PPP1R16B: variants seen among roughly 807,000 people sequenced by gnomAD.
PPP1R16B encodes protein phosphatase 1 regulatory inhibitor subunit 16B.
In PPP1R16B, 14 loss-of-function variants were observed where a neutral mutation model predicts 61.7. The ratio of observed to expected loss-of-function variants is 0.23; its 90% CI spans 0.15 to 0.35. The LOEUF is 0.35. Among genes scored for constraint, PPP1R16B ranks in the 10% least tolerant of loss-of-function variants. PPP1R16B has a pLI of 1.00. For synonymous variants in PPP1R16B, 266 were observed against 305.3 expected, an observed-to-expected ratio of 0.87 and a Z score of 1.34; for missense variants, 547 against 752.5, an observed-to-expected ratio of 0.73 and a Z score of 3.19.
intron 2 of PPP1R16B, among the ~76,000 whole-genome samples, chr20:38,866,940 C>G (rs952105879): frequency 1.3e-5 from 2 of 152,168 alleles, no homozygotes; most frequent in African/African-American, 4.8e-5. Context: ...TCCCCCTAGC[C>G]CCTGGCAGCC....
chr20:38,857,566 G>C (rs531925476), intron 2 of PPP1R16B, among the ~76,000 whole-genome samples: 1 of 152,278 alleles, frequency 6.6e-6, no homozygotes, highest in Admixed American at 6.5e-5. Context: ...TAATGGAAGG[G>C]GGTTGGATTT....
intron 2 of PPP1R16B, among the ~76,000 whole-genome samples, chr20:38,856,602 A>G (rs541620874): frequency 2.0e-5 from 3 of 152,196 alleles, no homozygotes; most frequent in South Asian, 2.1e-4. Context: ...TGAGCCCCCA[A>G]TTTCCCCATC....
At chr20:38,865,118 G>A (rs208813) in intron 2 of PPP1R16B, among the ~76,000 whole-genome samples, 121,330 of 151,876 alleles carry the variant, frequency 0.8, 48,927 homozygotes, top group African/African-American at 0.9. Context: ...CCCACGTCCA[G>A]GCCCAAGTGT....
intron 2 of PPP1R16B, among the ~76,000 whole-genome samples, chr20:38,857,195 T>C (rs2085014323): frequency 6.6e-6 from 1 of 152,194 alleles, no homozygotes; most frequent in Non-Finnish European, 1.5e-5. Flanking sequence ...ATTATCTATA[T>C]AGAATGAGAC....
At chr20:38,894,606 T>C (rs1015107177) in intron 3 of PPP1R16B, among the ~76,000 whole-genome samples, 2 of 152,202 alleles carry the variant, frequency 1.3e-5, no homozygotes, top group Non-Finnish European at 2.9e-5. Context: ...CAAGCCCTTA[T>C]CTGGGTGGGC....
Position 38,806,672 on chromosome 20 carries a change from G to T in PPP1R16B, c.-102+880G>T, listed in dbSNP as rs186563269. On this transcript the variant is annotated intron_variant, in intron 1 of 10. Coordinates refer to ENST00000299824, the MANE Select transcript of PPP1R16B (RefSeq NM_015568.4). The surrounding 1 kb of genome is among the most constrained non-coding windows in gnomAD (Gnocchi z 4.5). ...GTGGAGAGCCGGGAGGCAGGCGCTC[G>T]CTGCCCTCCTCCTTCCCCCATGTAG... Among the ~76,000 whole-genome samples, 1 of 152,286 alleles carries T rather than the reference G, an allele frequency of 6.6e-6. No individual in the cohort carries two copies. Among genetic ancestry groups the T allele is most frequent in the East Asian group, 1.9e-4 (1 of 5,164 alleles).
chr20:38,918,194 TTCCTACCAAGA>T lies in PPP1R16B; in HGVS notation c.1236_1246del (p.Lys414ArgfsTer2). ...GAGAAGCCCGTGCTACTCTCCGAAT[TTCCTACCAAGA>T]TCCCACGAGGTGAACTGGACATGCC... On this transcript the variant is annotated frameshift_variant, in exon 11 of 11. Coordinates refer to ENST00000299824, the MANE Select transcript of PPP1R16B (RefSeq NM_015568.4). LOFTEE classifies it high-confidence loss of function. The surrounding 1 kb of genome is among the most constrained non-coding windows in gnomAD (Gnocchi z 5.3). 6.2e-7 allele frequency: 1 copy of T among 1,614,202 alleles called. No individual in the cohort carries two copies. The highest frequency in any genetic ancestry group is 8.5e-7 in the Non-Finnish European group (1 of 1,180,030).
At chr20:38,911,457 C>T (rs962568001) in intron 10 of PPP1R16B, among the ~76,000 whole-genome samples, 5 of 152,174 alleles carry the variant, frequency 3.3e-5, no homozygotes, top group Admixed American at 1.3e-4. Context: ...TGAGCCACCA[C>T]GCCTGGCCGC....
At chr20:38,900,779 G>A (rs1036224121) in intron 5 of PPP1R16B, 95 bp downstream of exon 5, 28 of 910,138 alleles carry the variant, frequency 3.1e-5, no homozygotes, top group Non-Finnish European at 4.3e-5. Context: ...GCTACGCATC[G>A]GCCTGCCTCG....
chr20:38,824,006 C>CT (rs1216186133), intron 1 of PPP1R16B, among the ~76,000 whole-genome samples: 1 of 152,100 alleles, frequency 6.6e-6, no homozygotes, highest in African/African-American at 2.4e-5. Context: ...AGATGCCAGA[C>CT]TAATCAGAAG....
chr20:38,838,542 T>A (rs1432164515), intron 2 of PPP1R16B: 1 of 152,338 alleles, frequency 6.6e-6, no homozygotes, highest in Non-Finnish European at 1.5e-5. Flanking sequence ...AGAGGTGGAA[T>A]CTTGGGCTTG....
In PPP1R16B at chr20:38,861,605, C is replaced by T. The variant is rs559578523; in HGVS notation, c.250+25430C>T. ...ATCTTCTTCCCCCCCACCCTTCAGCCAGCCTGCATCAATCTGCTGTTGCCA... is the reference window on the plus strand; with the variant it reads ...ATCTTCTTCCCCCCCACCCTTCAGCTAGCCTGCATCAATCTGCTGTTGCCA... On this transcript the variant is annotated intron_variant, in intron 2 of 10. Transcript: ENST00000299824. Among the ~76,000 whole-genome samples, 13 of 152,244 alleles carry T rather than the reference C, an allele frequency of 8.5e-5. No homozygotes were observed. The East Asian group carries it at 2.5e-3, about 29-fold the overall frequency.
At chr20:38,817,068 G>A (rs1031948103) in intron 1 of PPP1R16B, among the ~76,000 whole-genome samples, 3 of 152,290 alleles carry the variant, frequency 2.0e-5, no homozygotes, top group South Asian at 2.1e-4. Flanking sequence ...GCTGGGTGGC[G>A]CTATCATGGG....
At chr20:38,917,046 C>G (rs2085547400) in intron 10 of PPP1R16B, among the ~76,000 whole-genome samples, 1 of 152,110 alleles carries the variant, frequency 6.6e-6, no homozygotes, top group African/African-American at 2.4e-5. Context: ...CCTGCAATCT[C>G]AGCACTTTGG....
chr20:38,918,306 T>A lies in PPP1R16B; in HGVS notation c.1344T>A (p.His448Gln), dbSNP rs201078949. The change falls in exon 11 of 11, where the codon CAT (histidine) becomes CAA (glutamine). Residue 448 changes from histidine (H) to glutamine (Q), a missense_variant. His to Gln is a conservative substitution (Grantham distance 24). Coordinates refer to ENST00000299824, the MANE Select transcript of PPP1R16B (RefSeq NM_015568.4). The surrounding 1 kb of genome is among the most constrained non-coding windows in gnomAD (Gnocchi z 5.3). ...ALANGDVWKV[H>Q]EVPDYSMAYG... ...CCAACGGGGATGTCTGGAAGGTGCA[T>A]GAGGTGCCTGACTACAGCATGGCCT... 1 of 1,614,194 alleles carries A rather than the reference T, an allele frequency of 6.2e-7. No individual in the cohort carries two copies. The highest frequency in any genetic ancestry group is 1.7e-5 in the Admixed American group (1 of 60,036).
chr20:38,886,059 AGC>A (rs2085242713), intron 2 of PPP1R16B, among the ~76,000 whole-genome samples: 1 of 152,212 alleles, frequency 6.6e-6, no homozygotes, highest in Non-Finnish European at 1.5e-5. Context: ...TACAGGCATG[AGC>A]CACCGTGCCT....
At chr20:38,824,824 G>A (rs2084795673) in intron 1 of PPP1R16B, among the ~76,000 whole-genome samples, 1 of 152,264 alleles carries the variant, frequency 6.6e-6, no homozygotes, top group Admixed American at 6.5e-5. Flanking sequence ...GAAATCAGGA[G>A]TTCAAGACCA....
rs529866887 is a variant in PPP1R16B, at chr20:38,895,951, C to T, written c.467+241C>T. 3.3e-3 allele frequency among the ~76,000 whole-genome samples: 257 copies of T among 78,048 alleles called. 4 individuals are homozygous for T. Among genetic ancestry groups the T allele is most frequent in the African/African-American group, 9.1e-3 (140 of 15,364 alleles). The allele number at this position is 78,048 out of a possible 152,430, so 51.2% of individuals were successfully genotyped here. On this transcript the variant is annotated intron_variant, in intron 4 of 10. Transcript: ENST00000299824. ...CTCCTTCCTTCTTTCTTCCCTCCCTCCCTCCTTTCTTCTTTCTTCCCTCCC... is the reference window on the plus strand; with the variant it reads ...CTCCTTCCTTCTTTCTTCCCTCCCTTCCTCCTTTCTTCTTTCTTCCCTCCC...
At chr20:38,906,283 GTTTTTTT>G (rs907617949) in intron 7 of PPP1R16B, among the ~76,000 whole-genome samples, 189 bp downstream of exon 7, 11 of 101,238 alleles carry the variant, frequency 1.1e-4, no homozygotes, top group African/African-American at 3.6e-4. Flanking sequence ...AGCAAGTTGT[GTTTTTTT>G]TTTTTTTTTT....
Sources: gnomAD v4.1 joint callset for allele counts (sites outside exome capture counted in the v4.1 genomes callset) on GRCh38, gnomAD v4.1.1 for gene constraint, Gnocchi (gnomAD v3.1) non-coding constraint, MANE v1.5 for transcripts, NCBI Gene and HGNC (gene_info 2026-07-23, HGNC 2026-07-21) for gene names.